Variants in MAGI2 observed in about 807,000 individuals in gnomAD.
MAGI2 encodes membrane-associated guanylate kinase, WW and PDZ domain-containing protein 2.
MAGI2 carries 35 observed loss-of-function variants against 133.3 expected under a neutral mutation model. The observed-to-expected ratio is 0.26, with a 90% CI of 0.20 to 0.35. The LOEUF (loss-of-function observed/expected upper bound fraction) is 0.35. MAGI2 is among the 10% of genes least tolerant of loss of function. The pLI, the probability that MAGI2 is intolerant of heterozygous loss-of-function variation, is 1.00. For synonymous variants in MAGI2, 729 were observed against 710.6 expected (o/e 1.03, Z -0.41); for missense variants, 1,636 against 1,863.4 (o/e 0.88, Z 2.25).
intron 10 of MAGI2, among the ~76,000 whole-genome samples, chr7:78,242,128 A>C (rs529071084): frequency 6.6e-6 from 1 of 152,292 alleles, no homozygotes; most frequent in Non-Finnish European, 1.5e-5. Context: ...CCAGTCTCTT[A>C]TGACCAGTGG....
chr7:78,839,651 A>C (rs1266395507), intron 2 of MAGI2, among the ~76,000 whole-genome samples: 2 of 152,044 alleles, frequency 1.3e-5, no homozygotes, highest in African/African-American at 4.8e-5. Flanking sequence ...AATACTTCCA[A>C]AACCATCAGA....
intron 1 of MAGI2, among the ~76,000 whole-genome samples, chr7:79,068,036 T>C (rs1444886884): frequency 1.3e-5 from 2 of 152,240 alleles, no homozygotes; most frequent in Non-Finnish European, 2.9e-5. Context: ...TTCACATCGA[T>C]GTTCATCAGG....
intron 21 of MAGI2, chr7:78,025,923 TAA>T (rs1808868468): frequency 6.6e-6 from 1 of 152,294 alleles, no homozygotes; most frequent in Non-Finnish European, 1.5e-5. Flanking sequence ...TAGCTTTACT[TAA>T]AGGAGCTCTG....
At chr7:79,043,474 T>C (rs1213151640) in intron 1 of MAGI2, among the ~76,000 whole-genome samples, 1 of 119,054 alleles carries the variant, frequency 8.4e-6, no homozygotes, top group African/African-American at 3.5e-5. Context: ...ATCCGGGAGG[T>C]GGAGGTTGCA....
intron 2 of MAGI2, among the ~76,000 whole-genome samples, chr7:78,995,827 G>A (rs553302066): frequency 5.1e-4 from 77 of 152,092 alleles, no homozygotes; most frequent in Non-Finnish European, 8.1e-4. Flanking sequence ...CATGTAGTGC[G>A]AACTGGAAGC....
chr7:79,440,649 A>G (rs1848436739), intron 1 of MAGI2, among the ~76,000 whole-genome samples: 1 of 152,192 alleles, frequency 6.6e-6, no homozygotes, highest in African/African-American at 2.4e-5. Context: ...ATGGGAATAA[A>G]ACATATTTTT....
chr7:78,458,489 T>G (rs1021798885), intron 6 of MAGI2, among the ~76,000 whole-genome samples: 2 of 152,128 alleles, frequency 1.3e-5, no homozygotes, highest in African/African-American at 4.8e-5. Flanking sequence ...TGTATGTTTA[T>G]GGGTGTGTGC....
chr7:78,917,184 A>C lies in MAGI2; in HGVS notation c.418+89906T>G, dbSNP rs73375240. ...GTTAGATATGGAAAAGAGAGGAAGA[A>C]GAAGGAGTCTAAGGTATTTTTTAAA... On this transcript the variant is annotated intron_variant, in intron 2 of 21. Transcript: ENST00000354212. 9.2e-3 allele frequency among the ~76,000 whole-genome samples: 1,398 copies of C among 152,194 alleles called. 24 individuals carry two copies. The highest frequency in any genetic ancestry group is 0.032 in the African/African-American group (1,311 of 41,542).
At chr7:78,572,656 A>G (rs1426984809) in intron 3 of MAGI2, among the ~76,000 whole-genome samples, 1 of 151,566 alleles carries the variant, frequency 6.6e-6, no homozygotes, top group Non-Finnish European at 1.5e-5. Context: ...ATTTACTTTT[A>G]TATTTATTTA....
intron 2 of MAGI2, among the ~76,000 whole-genome samples, chr7:78,858,565 AG>A (rs1443623057): frequency 2.7e-4 from 41 of 152,096 alleles, no homozygotes; most frequent in Non-Finnish European, 7.4e-5. Context: ...AGCGGTTTTG[AG>A]TGAGTTTCTT....
At chr7:79,233,871 T>G (rs1000078599) in intron 1 of MAGI2, among the ~76,000 whole-genome samples, 11 of 151,746 alleles carry the variant, frequency 7.2e-5, no homozygotes, top group African/African-American at 2.2e-4. Flanking sequence ...TGTTAGTTGA[T>G]GCAGTTTCTT....
chr7:78,406,606 T>C (rs766536885), intron 6 of MAGI2, among the ~76,000 whole-genome samples: 9 of 152,078 alleles, frequency 5.9e-5, no homozygotes, highest in Non-Finnish European at 8.8e-5. Context: ...AGCCACCTCA[T>C]AGATTGCTAT....
intron 1 of MAGI2, among the ~76,000 whole-genome samples, chr7:79,418,697 T>TGG (rs2129177527): frequency 6.6e-6 from 1 of 152,088 alleles, no homozygotes; most frequent in South Asian, 2.1e-4. Context: ...TTTAACTTTA[T>TGG]GCTTCTATGT....
intron 2 of MAGI2, among the ~76,000 whole-genome samples, chr7:78,972,779 T>C (rs1284483929): frequency 6.6e-6 from 1 of 151,920 alleles, no homozygotes; most frequent in African/African-American, 2.4e-5. Context: ...AGGACAGATA[T>C]ACAGTATTTG....
At chr7:78,039,228 C>T (rs907904993) in intron 21 of MAGI2, among the ~76,000 whole-genome samples, 1 of 152,086 alleles carries the variant, frequency 6.6e-6, no homozygotes. Flanking sequence ...CTTTGAAAAA[C>T]TGGGTTAAAA....
rs573272918 is a variant in MAGI2 at position 78,727,316 on chromosome 7, T to C, written c.419-100077A>G. ...GTGATGGGGCTGAAACTGTGTCTTA[T>C]GTTGCAGCAATTACCTGGCCATACA... On this transcript the variant is annotated intron_variant, in intron 2 of 21. Coordinates refer to ENST00000354212, the MANE Select transcript of MAGI2 (RefSeq NM_012301.4). Among the ~76,000 whole-genome samples the C allele has an allele frequency of 7.2e-4, 110 of 152,356 alleles. 1 individual carries two copies. Among genetic ancestry groups the C allele is most frequent in the African/African-American group, 2.5e-3 (103 of 41,600 alleles).
intron 3 of MAGI2, among the ~76,000 whole-genome samples, chr7:78,626,418 G>T (rs1469974601): frequency 6.6e-6 from 1 of 152,026 alleles, no homozygotes; most frequent in African/African-American, 2.4e-5. Flanking sequence ...GACAACTAAG[G>T]TTTAGTGACA....
chr7:78,872,948 T>G (rs1795148756), intron 2 of MAGI2, among the ~76,000 whole-genome samples: 1 of 152,030 alleles, frequency 6.6e-6, no homozygotes, highest in Non-Finnish European at 1.5e-5. Context: ...GTACAAAATT[T>G]TATGGAGAGA....
In MAGI2 at chr7:79,006,796, G is replaced by A. The variant is rs146770727; in HGVS notation, c.418+294C>T. The A allele has an allele frequency of 7.2e-3, 1,736 of 242,486 alleles. 30 individuals carry two copies. The highest frequency in any genetic ancestry group is 0.035 in the African/African-American group (1,580 of 44,556). The allele number at this position is 242,486 out of a possible 1,614,324, so 15.0% of individuals were successfully genotyped here. ...GTTCTATCTCCATCATAATTCATTCGGAATCACCAACAGTCTGGACTAGAA... is the reference window on the plus strand; with the variant it reads ...GTTCTATCTCCATCATAATTCATTCAGAATCACCAACAGTCTGGACTAGAA... On this transcript the variant is annotated intron_variant, in intron 2 of 21. Coordinates refer to ENST00000354212, the MANE Select transcript of MAGI2 (RefSeq NM_012301.4).
Sources: allele counts gnomAD v4.1 joint callset (sites outside exome capture counted in the v4.1 genomes callset), GRCh38; gene constraint gnomAD v4.1.1; transcripts MANE v1.5; gene names NCBI Gene and HGNC (gene_info 2026-07-23, HGNC 2026-07-21).